PGLYRP3: variants seen among roughly 807,000 people sequenced by gnomAD.
The protein encoded by PGLYRP3 is peptidoglycan recognition protein 3, also known as peptidoglycan recognition protein I alpha.
PGLYRP3 carries 39 observed loss-of-function variants against 36.0 expected under a neutral mutation model. That is an observed-to-expected ratio of 1.08 (90% CI 0.84 to 1.41). PGLYRP3 has a LOEUF of 1.41. Among genes scored for constraint, PGLYRP3 ranks in the 40% most tolerant of loss-of-function variants. The pLI is 0.00. For synonymous variants in PGLYRP3, 204 were observed against 172.8 expected (o/e 1.18, Z -1.42); for missense variants, 407 against 427.9 (o/e 0.95, Z 0.43).
At chr1:153,311,159 T>C (rs1473552370) in intron 1 of PGLYRP3, among the ~76,000 whole-genome samples, 1 of 152,122 alleles carries the variant, frequency 6.6e-6, no homozygotes, top group Non-Finnish European at 1.5e-5. Context: ...CTTCGCCCCC[T>C]GCACCATTTG....
intron 3 of PGLYRP3, 53 bp downstream of exon 3, chr1:153,307,013 A>G (rs747138750): frequency 1.9e-6 from 3 of 1,559,968 alleles, no homozygotes; most frequent in Non-Finnish European, 2.6e-6. Flanking sequence ...GGGAAGTGGG[A>G]AGCACCCCCG....
At position 153,304,947 on chromosome 1, in the gene PGLYRP3, C is replaced by T. The variant is rs843971; in HGVS notation, c.376G>A (p.Gly126Ser). The T allele has an allele frequency of 0.39, 630,919 of 1,611,114 alleles. 126,131 individuals are homozygous for T. Among genetic ancestry groups the T allele is most frequent in the East Asian group, 0.56 (25,170 of 44,782 alleles). ...LGIAFFGNKI[G>S]SSPSPAALSA... Reference sequence around the variant, plus strand: ...AGGGTCCGCAGGGAGTGACCCTTACCTATCTTATTGCCAAAGAAGGCGATG... The same window carrying T: ...AGGGTCCGCAGGGAGTGACCCTTACTTATCTTATTGCCAAAGAAGGCGATG... Residue 126 changes from glycine to serine, a missense_variant and splice_region_variant, in exon 4 of 8, where the codon GGC (glycine) becomes AGC (serine). Gly to Ser is a moderately conservative substitution (Grantham distance 56). Transcript: ENST00000683862.
At chr1:153,300,813 T>A (rs1175805846) in intron 6 of PGLYRP3, among the ~76,000 whole-genome samples, 1 of 152,232 alleles carries the variant, frequency 6.6e-6, no homozygotes, top group Non-Finnish European at 1.5e-5. Flanking sequence ...TCCCCTAGCC[T>A]GAACCTCTTT....
Sources: allele counts gnomAD v4.1 joint callset (sites outside exome capture counted in the v4.1 genomes callset), GRCh38; gene constraint gnomAD v4.1.1; transcripts MANE v1.5; gene names NCBI Gene and HGNC (gene_info 2026-07-23, HGNC 2026-07-21).